NKAIN2: variants seen among roughly 807,000 people sequenced by gnomAD.
The protein encoded by NKAIN2 is sodium/potassium-transporting ATPase subunit beta-1-interacting protein 2.
In NKAIN2, 14 loss-of-function variants were observed where a neutral mutation model predicts 32.6. The observed-to-expected ratio is 0.43, with a 90% CI of 0.28 to 0.67. The LOEUF is 0.67. Among genes scored for constraint, NKAIN2 ranks in the 30% least tolerant of loss-of-function variants. NKAIN2 has a pLI of 0.17. For missense variants in NKAIN2, 198 were observed against 258.3 expected (o/e 0.77, Z 1.60); for synonymous variants, 80 against 87.2 (o/e 0.92, Z 0.46).
intron 1 of NKAIN2, among the ~76,000 whole-genome samples, chr6:124,069,308 T>G (rs1452777604): frequency 6.6e-6 from 1 of 152,126 alleles, no homozygotes; most frequent in Non-Finnish European, 1.5e-5. Flanking sequence ...TGTGAGCATA[T>G]CTTCATTAGA....
chr6:124,696,013 ATGG>A (rs1254577212), intron 4 of NKAIN2, among the ~76,000 whole-genome samples: 1 of 152,180 alleles, frequency 6.6e-6, no homozygotes, highest in African/African-American at 2.4e-5. Flanking sequence ...ATTGGACATA[ATGG>A]TGGGATCTAA....
chr6:124,540,556 G>A (rs188533395), intron 3 of NKAIN2, among the ~76,000 whole-genome samples: 152 of 152,314 alleles, frequency 1.0e-3, no homozygotes, highest in Admixed American at 2.5e-3. Flanking sequence ...TAACCCCACT[G>A]TAGCCATGTA....
chr6:124,661,712 T>C (rs958507696), intron 4 of NKAIN2, among the ~76,000 whole-genome samples: 3 of 152,194 alleles, frequency 2.0e-5, no homozygotes, highest in African/African-American at 7.2e-5. Context: ...AGCCATATTT[T>C]CTTCTGGTTA....
chr6:124,626,489 A>G (rs1357834902), intron 3 of NKAIN2, among the ~76,000 whole-genome samples: 1 of 152,124 alleles, frequency 6.6e-6, no homozygotes, highest in African/African-American at 2.4e-5. Flanking sequence ...CAGCATTCAC[A>G]CAGAGAGGTA....
chr6:124,631,103 A>ACAAT (rs1783547041), intron 3 of NKAIN2, among the ~76,000 whole-genome samples: 2 of 152,308 alleles, frequency 1.3e-5, no homozygotes, highest in Admixed American at 1.3e-4. Context: ...CTAGCTGTGA[A>ACAAT]CAATCACTGA....
At chr6:123,941,890 T>C (rs1199103747) in intron 1 of NKAIN2, among the ~76,000 whole-genome samples, 4 of 151,920 alleles carry the variant, frequency 2.6e-5, no homozygotes. Flanking sequence ...TACCAATCCC[T>C]TCCCTGCAGA....
intron 1 of NKAIN2, among the ~76,000 whole-genome samples, chr6:124,157,254 CACACACACACACAT>C (rs946524404): frequency 1.9e-4 from 18 of 94,038 alleles, no homozygotes; most frequent in Admixed American, 6.8e-4. Context: ...ATAATGGACA[CACACACACACACAT>C]ACACACACAC....
intron 3 of NKAIN2, among the ~76,000 whole-genome samples, chr6:124,599,526 C>T (rs907898994): frequency 2.0e-5 from 3 of 152,078 alleles, no homozygotes; most frequent in African/African-American, 4.8e-5. Flanking sequence ...TTTTAATCTG[C>T]GTGTGAGGGC....
chr6:124,655,702 G>A (rs565374507), intron 3 of NKAIN2, among the ~76,000 whole-genome samples: 1 of 152,110 alleles, frequency 6.6e-6, no homozygotes, highest in South Asian at 2.1e-4. Flanking sequence ...TTTGGGCTCT[G>A]GTCCCTGTTT....
intron 2 of NKAIN2, among the ~76,000 whole-genome samples, chr6:124,315,258 C>A (rs1796900148): frequency 6.6e-6 from 1 of 152,034 alleles, no homozygotes; most frequent in Admixed American, 6.6e-5. Context: ...AGCCATCCAA[C>A]CCTCCCAGAC....
At chr6:124,501,956 A>C (rs1778308923) in intron 3 of NKAIN2, among the ~76,000 whole-genome samples, 1 of 152,052 alleles carries the variant, frequency 6.6e-6, no homozygotes, top group East Asian at 1.9e-4. Flanking sequence ...AATTACAAAA[A>C]ATAGCTGGGC....
intron 5 of NKAIN2, among the ~76,000 whole-genome samples, chr6:124,813,408 G>A (rs537277215): frequency 6.6e-6 from 1 of 152,190 alleles, no homozygotes; most frequent in African/African-American, 2.4e-5. Context: ...ATAACAGAAG[G>A]AGGAATCTAC....
chr6:124,714,780 T>A (rs1040816427), intron 4 of NKAIN2, among the ~76,000 whole-genome samples: 1 of 152,178 alleles, frequency 6.6e-6, no homozygotes, highest in African/African-American at 2.4e-5. Context: ...GTTTCAAGCA[T>A]CTGACAGGAG....
At chr6:124,105,192 G>A (rs1033336328) in intron 1 of NKAIN2, among the ~76,000 whole-genome samples, 2 of 152,130 alleles carry the variant, frequency 1.3e-5, no homozygotes, top group Admixed American at 6.6e-5. Flanking sequence ...CCTGGGTATG[G>A]GTCCAAGTAT....
chr6:124,433,571 A>G (rs149618122), intron 3 of NKAIN2, among the ~76,000 whole-genome samples: 2 of 152,278 alleles, frequency 1.3e-5, no homozygotes, highest in East Asian at 3.9e-4. Context: ...CTTGAGAACA[A>G]ATGAGTTACA....
At chr6:124,446,125 C>A (rs1243506865) in intron 3 of NKAIN2, among the ~76,000 whole-genome samples, 4 of 152,066 alleles carry the variant, frequency 2.6e-5, no homozygotes, top group Non-Finnish European at 4.4e-5. Context: ...AGACCAACAT[C>A]CTGTTTATTA....
At chr6:124,710,062 T>G (rs1378213930) in intron 4 of NKAIN2, among the ~76,000 whole-genome samples, 2 of 152,022 alleles carry the variant, frequency 1.3e-5, no homozygotes, top group Non-Finnish European at 2.9e-5. Flanking sequence ...AAGAACATCT[T>G]TATTTCTGCC....
At chr6:124,112,370 A>G (rs959984463) in intron 1 of NKAIN2, among the ~76,000 whole-genome samples, 5 of 152,092 alleles carry the variant, frequency 3.3e-5, no homozygotes, top group Non-Finnish European at 7.4e-5. Flanking sequence ...TTTTTCCTTC[A>G]GCACTTTGAA....
chr6:123,939,669 A>T (rs1356956643), intron 1 of NKAIN2, among the ~76,000 whole-genome samples: 1 of 151,970 alleles, frequency 6.6e-6, no homozygotes, highest in Non-Finnish European at 1.5e-5. Flanking sequence ...GACAAAACTG[A>T]TTTTTGACCC....
Sources: gnomAD v4.1 joint callset for allele counts (sites outside exome capture counted in the v4.1 genomes callset) on GRCh38, gnomAD v4.1.1 for gene constraint, MANE v1.5 for transcripts, NCBI Gene and HGNC (gene_info 2026-07-23, HGNC 2026-07-21) for gene names.